The following DACH1 variants were observed in gnomAD, a reference collection of about 807,000 sequenced individuals.
DACH1 encodes dachshund homolog 1.
Under a neutral mutation model 54.2 loss-of-function variants are expected in DACH1, and 12 were observed. The ratio of observed to expected loss-of-function variants is 0.22; its 90% confidence interval spans 0.14 to 0.36. The LOEUF is 0.36. Among genes scored for constraint, DACH1 ranks in the 10% least tolerant of loss-of-function variants. DACH1 has a pLI of 1.00. For missense variants in DACH1, 805 were observed against 929.8 expected (o/e 0.87, Z 1.75); for synonymous variants, 386 against 366.2 (o/e 1.05, Z -0.62).
At chr13:71,612,315 A>T (rs867657980) in intron 3 of DACH1, among the ~76,000 whole-genome samples, 66 of 152,248 alleles carry the variant, frequency 4.3e-4, no homozygotes, top group African/African-American at 1.5e-3. Flanking sequence ...ACAATAATGT[A>T]ATTATATAAA....
At chr13:71,851,704 C>G (rs1165969026) in intron 1 of DACH1, among the ~76,000 whole-genome samples, 1 of 152,098 alleles carries the variant, frequency 6.6e-6, no homozygotes, top group East Asian at 1.9e-4. Flanking sequence ...TAACCCCCAC[C>G]CCAATATTGC....
At chr13:71,791,930 C>T (rs1340006099) in intron 1 of DACH1, among the ~76,000 whole-genome samples, 2 of 152,168 alleles carry the variant, frequency 1.3e-5, no homozygotes, top group African/African-American at 2.4e-5. Flanking sequence ...AGCAACCTCT[C>T]CACCAAAGCC....
intron 1 of DACH1, among the ~76,000 whole-genome samples, chr13:71,808,826 A>C (rs528141842): frequency 1.3e-5 from 2 of 152,312 alleles, no homozygotes; most frequent in African/African-American, 4.8e-5. Context: ...TAATTTGTCT[A>C]AACTGTCTAA....
At chr13:71,764,014 T>C (rs1885514622) in intron 1 of DACH1, among the ~76,000 whole-genome samples, 1 of 152,168 alleles carries the variant, frequency 6.6e-6, no homozygotes, top group Admixed American at 6.5e-5. Flanking sequence ...AGGATATAAA[T>C]ATAAATGGCT....
chr13:71,537,440 C>T (rs1016113153), intron 6 of DACH1, among the ~76,000 whole-genome samples: 5 of 152,032 alleles, frequency 3.3e-5, no homozygotes, highest in Admixed American at 3.3e-4. Flanking sequence ...TTGCTGATAT[C>T]TTTGATAAGA....
intron 1 of DACH1, among the ~76,000 whole-genome samples, chr13:71,742,630 T>C (rs1421989185): frequency 6.6e-6 from 1 of 152,208 alleles, no homozygotes; most frequent in Non-Finnish European, 1.5e-5. Context: ...GTTTTACTAT[T>C]AGTAAAGGGA....
Position 71,552,144 on chromosome 13 carries a change from A to G in DACH1, c.1570+4880T>C, listed in dbSNP as rs141918371. Among the ~76,000 whole-genome samples the G allele has an allele frequency of 1.2e-3, 183 of 152,238 alleles. 2 individuals are homozygous for G. The East Asian group carries it at 0.028, about 23-fold the overall frequency. On this transcript the variant is annotated intron_variant, in intron 6 of 10. Coordinates refer to ENST00000613252, the MANE Select transcript of DACH1 (RefSeq NM_080759.6). ...TCTGTAGGAGAAATGACATATCAAGAAAAAAATCTGTATAATTTTAACGAG... is the reference window on the plus strand; with the variant it reads ...TCTGTAGGAGAAATGACATATCAAGGAAAAAATCTGTATAATTTTAACGAG...
chr13:71,577,353 G>A (rs1412913613), intron 3 of DACH1, among the ~76,000 whole-genome samples: 1 of 152,160 alleles, frequency 6.6e-6, no homozygotes, highest in African/African-American at 2.4e-5. Flanking sequence ...TTCTCAGTGA[G>A]GAAGCATGCC....
At chr13:71,586,185 TA>T (rs1215049805) in intron 3 of DACH1, among the ~76,000 whole-genome samples, 3 of 152,122 alleles carry the variant, frequency 2.0e-5, no homozygotes, top group African/African-American at 7.2e-5. Flanking sequence ...AGCTCACCAA[TA>T]ACTGAGTCAA....
rs769053687 is a variant in DACH1 at position 71,681,842 on chromosome 13, G to A, written c.917C>T (p.Pro306Leu). The A allele has an allele frequency of 3.7e-6, 6 of 1,613,824 alleles. No individual in the cohort carries two copies. The highest frequency in any genetic ancestry group is 2.2e-5 in the South Asian group (2 of 91,082). Residue 306 changes from proline to leucine, a missense_variant, in exon 2 of 11, where the codon CCG becomes CTG. Coordinates refer to ENST00000613252, the MANE Select transcript of DACH1 (RefSeq NM_080759.6). Reference sequence around the variant, plus strand: ...AGACATGAGACCAGGGACAGAATGCGGCATGATGTGAGAGTTCTCTGGGGA... The same window carrying A: ...AGACATGAGACCAGGGACAGAATGCAGCATGATGTGAGAGTTCTCTGGGGA... ...VTSPENSHIM[P>L]HSVPGLMSPG...
At chr13:71,724,075 A>C (rs976709525) in intron 1 of DACH1, among the ~76,000 whole-genome samples, 1 of 152,198 alleles carries the variant, frequency 6.6e-6, no homozygotes, top group Non-Finnish European at 1.5e-5. Context: ...AAGCCCTCTC[A>C]GTATTGAAAT....
chr13:71,536,321 C>T (rs1882797516), intron 6 of DACH1, among the ~76,000 whole-genome samples: 1 of 151,974 alleles, frequency 6.6e-6, no homozygotes, highest in Non-Finnish European at 1.5e-5. Flanking sequence ...TCCCAAAGAT[C>T]TAGGTAGAGA....
intron 6 of DACH1, among the ~76,000 whole-genome samples, chr13:71,516,995 C>A (rs1393056965): frequency 1.3e-5 from 2 of 151,056 alleles, no homozygotes; most frequent in African/African-American, 4.9e-5. Context: ...CTCTCATATA[C>A]CTTAGTGAGG....
intron 2 of DACH1, among the ~76,000 whole-genome samples, chr13:71,664,677 T>C (rs1017198057): frequency 5.3e-5 from 8 of 152,004 alleles, no homozygotes; most frequent in African/African-American, 1.4e-4. Flanking sequence ...ACATATTCCA[T>C]AGATTTTTGA....
At chr13:71,745,647 A>G (rs1177245893) in intron 1 of DACH1, among the ~76,000 whole-genome samples, 1 of 152,216 alleles carries the variant, frequency 6.6e-6, no homozygotes, top group Non-Finnish European at 1.5e-5. Flanking sequence ...CAAGAACATC[A>G]TGTAACTGCT....
chr13:71,486,642 G>A (rs2138197764), intron 7 of DACH1, among the ~76,000 whole-genome samples: 1 of 151,972 alleles, frequency 6.6e-6, no homozygotes, highest in South Asian at 2.1e-4. Context: ...AATTCTGTAG[G>A]ATTTTTAATT....
chr13:71,481,749 G>A (rs1406075941), intron 7 of DACH1, among the ~76,000 whole-genome samples: 1 of 152,062 alleles, frequency 6.6e-6, no homozygotes, highest in African/African-American at 2.4e-5. Context: ...TACAGAAAAC[G>A]GATTAAATTT....
chr13:71,642,447 T>A (rs1355007791), intron 2 of DACH1, among the ~76,000 whole-genome samples: 1 of 152,230 alleles, frequency 6.6e-6, no homozygotes, highest in Non-Finnish European at 1.5e-5. Context: ...ATTCTACAAG[T>A]ACGTATATCT....
chr13:71,738,725 C>G (rs1282662965), intron 1 of DACH1, among the ~76,000 whole-genome samples: 3 of 61,178 alleles, frequency 4.9e-5, no homozygotes, highest in Non-Finnish European at 9.7e-5. Flanking sequence ...GAGCGAGACT[C>G]TGTCTCAAAA....
Sources: allele counts gnomAD v4.1 joint callset (sites outside exome capture counted in the v4.1 genomes callset), GRCh38; gene constraint gnomAD v4.1.1; transcripts MANE v1.5; gene names NCBI Gene and HGNC (gene_info 2026-07-23, HGNC 2026-07-21).